The following PRELID2 variants were observed in gnomAD, a reference collection of about 807,000 sequenced individuals.
PRELID2 encodes the protein PRELI domain-containing protein 2.
PRELID2 carries 25 observed loss-of-function variants against 28.4 expected under a neutral mutation model. The observed-to-expected ratio is 0.88, with a 90% CI of 0.64 to 1.23. The LOEUF (loss-of-function observed/expected upper bound fraction) is 1.23, where lower values mean the gene tolerates loss of function less well. Among genes scored for constraint, PRELID2 ranks in the 50% most tolerant of loss-of-function variants. The pLI is 0.00. For missense variants in PRELID2, 201 were observed against 214.4 expected, an observed-to-expected ratio of 0.94 and a Z score of 0.39; for synonymous variants, 76 against 71.6, an observed-to-expected ratio of 1.06 and a Z score of -0.31.
At position 145,528,724 on chromosome 5, in the gene PRELID2, C is replaced by CAG. The variant is rs1359697111; in HGVS notation, n.71-55410_71-55409insCT. Among the ~76,000 whole-genome samples the CAG allele has an allele frequency of 4.5e-3, 257 of 56,678 alleles. 1 individual carries two copies. The highest frequency in any genetic ancestry group is 0.011 in the African/African-American group (205 of 18,004). 37.2% of individuals were successfully genotyped at this position (56,678 alleles called of 152,430 possible). A position where few individuals can be genotyped will look rare whatever the true frequency, so the allele number is the denominator to read the frequency against. Reference sequence around the variant, plus strand: ...ACACACACACACACACACACACACACACAGAGAGAGAGAGAGAGAGAGAGA... The same window carrying CAG: ...ACACACACACACACACACACACACACAGACAGAGAGAGAGAGAGAGAGAGAGA... On this transcript the variant is annotated intron_variant and non_coding_transcript_variant, in intron 1 of 2. Coordinates refer to the PRELID2 transcript ENST00000510259.
At chr5:145,379,167 G>A in the PRELID2 span, among the ~76,000 whole-genome samples, 8 of 152,204 alleles carry the variant, frequency 5.3e-5, no homozygotes, top group Non-Finnish European at 1.5e-5. Flanking sequence ...TTGTTCTCTG[G>A]TTTCTTAATG....
At chr5:145,334,976 CT>C in the PRELID2 span, among the ~76,000 whole-genome samples, 2 of 151,840 alleles carry the variant, frequency 1.3e-5, no homozygotes, top group African/African-American at 2.4e-5. Context: ...GGTTGGGGAC[CT>C]TTGAGGTATA....
the PRELID2 span, among the ~76,000 whole-genome samples, chr5:145,431,006 GTTTTTTTTTTT>G: frequency 1.5e-3 from 83 of 55,566 alleles, no homozygotes; most frequent in African/African-American, 4.6e-3. Flanking sequence ...CCTGGCAATG[GTTTTTTTTTTT>G]TTTTTTTTTT....
the PRELID2 span, among the ~76,000 whole-genome samples, chr5:145,243,082 T>A: frequency 6.6e-6 from 1 of 152,110 alleles, no homozygotes; most frequent in Non-Finnish European, 1.5e-5. Flanking sequence ...CAGAAAATTA[T>A]ACTTTCTTGA....
chr5:145,330,670 CTTT>C, the PRELID2 span, among the ~76,000 whole-genome samples: 1 of 152,034 alleles, frequency 6.6e-6, no homozygotes, highest in African/African-American at 2.4e-5. Context: ...CTCTTTTCTT[CTTT>C]ATTAGGCTGG....
chr5:145,788,493 C>T (rs78258459), intron 5 of PRELID2, among the ~76,000 whole-genome samples: 7,228 of 152,162 alleles, frequency 0.048, 345 homozygotes, highest in African/African-American at 0.12. Context: ...GGCACACCCA[C>T]CAGTGCTCAT....
intron 1 of PRELID2, among the ~76,000 whole-genome samples, chr5:145,559,559 C>A (rs149230772): frequency 6.0e-4 from 91 of 152,164 alleles, no homozygotes; most frequent in African/African-American, 2.1e-3. Context: ...ATCTTAAAAT[C>A]TTCTTTCCAC....
chr5:145,623,214 G>C (rs1469456838), intron 1 of PRELID2, among the ~76,000 whole-genome samples: 1 of 151,694 alleles, frequency 6.6e-6, no homozygotes, highest in Non-Finnish European at 1.5e-5. Flanking sequence ...ACTTTGGGAG[G>C]CCACAGTGGG....
chr5:145,317,353 T>C, the PRELID2 span, among the ~76,000 whole-genome samples: 6 of 152,134 alleles, frequency 3.9e-5, no homozygotes. Context: ...GCTTTGCAAA[T>C]GGGGAAACTC....
At chr5:145,654,645 A>C (rs550470930) in intron 1 of PRELID2, among the ~76,000 whole-genome samples, 1 of 152,268 alleles carries the variant, frequency 6.6e-6, no homozygotes, top group Admixed American at 6.5e-5. Flanking sequence ...CAAAGACAAA[A>C]ACCACATGAT....
At chr5:145,297,776 G>A in the PRELID2 span, among the ~76,000 whole-genome samples, 2 of 152,006 alleles carry the variant, frequency 1.3e-5, no homozygotes, top group Non-Finnish European at 2.9e-5. Context: ...CAAAGTCTCA[G>A]GATACAAAAT....
chr5:145,640,243 T>A (rs1167183425), intron 1 of PRELID2, among the ~76,000 whole-genome samples: 1 of 151,560 alleles, frequency 6.6e-6, no homozygotes, highest in Non-Finnish European at 1.5e-5. Flanking sequence ...TCCCAGCAAT[T>A]TGGGAGGCCG....
chr5:145,586,134 G>A (rs557234218), intron 1 of PRELID2, among the ~76,000 whole-genome samples: 2 of 152,096 alleles, frequency 1.3e-5, no homozygotes, highest in African/African-American at 4.8e-5. Context: ...AAAATGCAGG[G>A]GACAGAAGGG....
intron 1 of PRELID2, among the ~76,000 whole-genome samples, chr5:145,661,516 C>A (rs913059420): frequency 1.3e-5 from 2 of 151,918 alleles, no homozygotes; most frequent in African/African-American, 4.8e-5. Context: ...GATCCACTGC[C>A]TGGAAGTATT....
At chr5:145,411,530 C>A in the PRELID2 span, among the ~76,000 whole-genome samples, 2 of 152,230 alleles carry the variant, frequency 1.3e-5, no homozygotes, top group Admixed American at 1.3e-4. Flanking sequence ...GGCAACTCTG[C>A]CTTTGTGGCT....
At chr5:145,254,118 G>A in the PRELID2 span, among the ~76,000 whole-genome samples, 8 of 152,144 alleles carry the variant, frequency 5.3e-5, no homozygotes, top group Admixed American at 3.3e-4. Flanking sequence ...TATGTGTGCC[G>A]ATGAATGACC....
At chr5:145,229,111 A>C in the PRELID2 span, 1 of 1,399,020 alleles carries the variant, frequency 7.1e-7, no homozygotes, top group African/African-American at 1.4e-5. Flanking sequence ...TGCATCGCCC[A>C]CAAAAAAGTG....
intron 2 of PRELID2, among the ~76,000 whole-genome samples, chr5:145,820,790 T>C (rs895189936): frequency 1.3e-5 from 2 of 152,124 alleles, no homozygotes; most frequent in Non-Finnish European, 2.9e-5. Context: ...GAATAGGAAA[T>C]GGCTATTCCT....
intron 2 of PRELID2, among the ~76,000 whole-genome samples, chr5:145,822,450 T>C (rs1754896333): frequency 6.6e-6 from 1 of 152,226 alleles, no homozygotes; most frequent in South Asian, 2.1e-4. Context: ...CAAATGTGAC[T>C]ATGTTCCAGT....
Sources: gnomAD v4.1 joint callset for allele counts (sites outside exome capture counted in the v4.1 genomes callset) on GRCh38, gnomAD v4.1.1 for gene constraint, MANE v1.5 for transcripts, NCBI Gene and HGNC (gene_info 2026-07-23, HGNC 2026-07-21) for gene names.